The following DNMT3B variants were observed in gnomAD, a reference collection of about 807,000 sequenced individuals.
The protein encoded by DNMT3B is DNA (cytosine-5)-methyltransferase 3B.
A neutral mutation model predicts 120.2 loss-of-function variants in DNMT3B; 37 were observed. That is an observed-to-expected ratio of 0.31 (90% CI 0.24 to 0.40). The LOEUF (loss-of-function observed/expected upper bound fraction) is 0.40, where lower values mean the gene tolerates loss of function less well. Ranked by LOEUF, DNMT3B falls within the 10% of genes least tolerant of loss-of-function variation. DNMT3B has a pLI of 1.00. For missense variants in DNMT3B, 878 were observed against 1,137.3 expected, an observed-to-expected ratio of 0.77 and a Z score of 3.28; for synonymous variants, 412 against 442.8, an observed-to-expected ratio of 0.93 and a Z score of 0.87.
intron 12 of DNMT3B, 62 bp from the exon 13 acceptor site, chr20:32,796,727 AG>A: frequency 6.3e-7 from 1 of 1,581,714 alleles, no homozygotes; most frequent in Non-Finnish European, 8.7e-7. Flanking sequence ...GAGAGACCCC[AG>A]GCTTTAGCAG....
chr20:32,769,600 G>T (rs1325443466), intron 1 of DNMT3B, among the ~76,000 whole-genome samples: 1 of 152,104 alleles, frequency 6.6e-6, no homozygotes, highest in Non-Finnish European at 1.5e-5. Context: ...GTTTTTATGT[G>T]AGATCATGGG....
chr20:32,797,360 A>G, intron 14 of DNMT3B, 61 bp downstream of exon 14: 2 of 1,516,746 alleles, frequency 1.3e-6, no homozygotes, highest in Non-Finnish European at 1.8e-6. Flanking sequence ...ACGTTCCTGC[A>G]GTCTGCAGAC....
chr20:32,775,929 G>A (rs1413826326), intron 1 of DNMT3B, among the ~76,000 whole-genome samples: 1 of 152,234 alleles, frequency 6.6e-6, no homozygotes, highest in Non-Finnish European at 1.5e-5. Flanking sequence ...GCCCCAGGAT[G>A]GGGTGGGGGT....
At position 32,762,468 on chromosome 20, in the gene DNMT3B, C is replaced by T; in HGVS notation, c.-238C>T. 1 of 174,330 alleles carries T rather than the reference C, an allele frequency of 5.7e-6. No individual in the cohort carries two copies. Among genetic ancestry groups the T allele is most frequent in the Non-Finnish European group, 1.2e-5 (1 of 82,742 alleles). The allele number at this position is 174,330 out of a possible 1,614,324, so 10.8% of individuals were successfully genotyped here. The stretch of plus-strand genomic sequence containing the variant: ...TCCGCGGCCGCAGCCCGCGTGGACG[C>T]TCCGAGCGCCCCCCGACGGACGGGA... On this transcript the variant is annotated 5_prime_UTR_variant, in exon 1 of 23. Coordinates refer to ENST00000328111, the MANE Select transcript of DNMT3B (RefSeq NM_006892.4).
At chr20:32,797,381 T>A (rs1033887420) in intron 14 of DNMT3B, 82 bp downstream of exon 14, 1 of 1,358,438 alleles carries the variant, frequency 7.4e-7, no homozygotes, top group Non-Finnish European at 1.0e-6. Context: ...AGCTGTCTGT[T>A]GAATGGAATC....
chr20:32,779,554 A>T (rs1978338058), intron 1 of DNMT3B, among the ~76,000 whole-genome samples: 1 of 152,192 alleles, frequency 6.6e-6, no homozygotes, highest in Non-Finnish European at 1.5e-5. Context: ...CCTGACCAGG[A>T]GGGGCAGCAG....
chr20:32,805,527 G>C (rs1352900064), intron 21 of DNMT3B, 120 bp downstream of exon 21: 2 of 1,092,844 alleles, frequency 1.8e-6, no homozygotes, highest in Non-Finnish European at 2.8e-6. Context: ...TCCTGGTGTT[G>C]GGCTTCCCTC....
chr20:32,762,554 T>A lies in DNMT3B; in HGVS notation c.-152T>A. On this transcript the variant is annotated 5_prime_UTR_variant, in exon 1 of 23. Coordinates refer to ENST00000328111, the MANE Select transcript of DNMT3B (RefSeq NM_006892.4). The stretch of plus-strand genomic sequence containing the variant: ...GCTGCCCGGCCGGCAGCGCTGGGGT[T>A]AAGTGGCCCAAGTAAACCTAGCTCG... 2.8e-6 allele frequency: 1 copy of A among 354,416 alleles called. No homozygotes were observed. Among genetic ancestry groups the A allele is most frequent in the Non-Finnish European group, 5.8e-6 (1 of 172,912 alleles). 22.0% of individuals were successfully genotyped at this position (354,416 alleles called of 1,614,324 possible). A position where few individuals can be genotyped will look rare whatever the true frequency, so the allele number is the denominator to read the frequency against.
In DNMT3B at chr20:32,795,573, G is replaced by A. The variant is rs750757398; in HGVS notation, c.1252+39G>A. The stretch of plus-strand genomic sequence containing the variant: ...ACCTGGGATCATGGGACAGATGGGA[G>A]GAGGACGCTGCAGATCAGGAATTGA... On this transcript the variant is annotated intron_variant, in intron 11 of 22. Transcript: ENST00000328111. 30 of 1,614,034 alleles carry A rather than the reference G, an allele frequency of 1.9e-5. No homozygotes were observed. In the South Asian group the frequency reaches 3.3e-4, roughly 18 times the overall value.
chr20:32,788,825 G>C, intron 6 of DNMT3B, 29 bp from the exon 7 acceptor site: 1 of 1,614,124 alleles, frequency 6.2e-7, no homozygotes, highest in Non-Finnish European at 8.5e-7. Context: ...TCTCCTCACT[G>C]GGATTTCTTC....
At chr20:32,763,003 T>C (rs1057430472) in intron 1 of DNMT3B, among the ~76,000 whole-genome samples, 11 of 151,828 alleles carry the variant, frequency 7.2e-5, no homozygotes, top group Non-Finnish European at 1.5e-4. Flanking sequence ...GGAGAGAAGC[T>C]TGCTCGCAGG....
chr20:32,796,641 T>C (rs1317226632), intron 12 of DNMT3B, 149 bp from the exon 13 acceptor site: 9 of 811,690 alleles, frequency 1.1e-5, no homozygotes, highest in Admixed American at 2.0e-5. Context: ...TGTTGAGTGG[T>C]AGAAGCTGTG....
At chr20:32,774,416 A>G (rs1191840772) in intron 1 of DNMT3B, among the ~76,000 whole-genome samples, 1 of 149,530 alleles carries the variant, frequency 6.7e-6, no homozygotes, top group Non-Finnish European at 1.5e-5. Flanking sequence ...TCATCATGTT[A>G]GCCAGGATGG....
At chr20:32,782,565 G>A (rs1034280628) in intron 3 of DNMT3B, among the ~76,000 whole-genome samples, 2 of 152,172 alleles carry the variant, frequency 1.3e-5, no homozygotes, top group African/African-American at 4.8e-5. Flanking sequence ...CATAAACCAT[G>A]GAAGGACAGA....
At chr20:32,799,699 G>A (rs1016267030) in intron 16 of DNMT3B, among the ~76,000 whole-genome samples, 3 of 151,984 alleles carry the variant, frequency 2.0e-5, no homozygotes, top group Non-Finnish European at 2.9e-5. Flanking sequence ...TATATTTTTC[G>A]TAGAGACGGG....
At chr20:32,789,607 C>T (rs957207085) in intron 7 of DNMT3B, among the ~76,000 whole-genome samples, 11 of 152,158 alleles carry the variant, frequency 7.2e-5, no homozygotes, top group East Asian at 1.9e-4. Flanking sequence ...TTTTTGGGGG[C>T]GGTGAGAATG....
rs1979627617 is a variant in DNMT3B at position 32,788,771 on chromosome 20, C to A, written c.655-83C>A. The stretch of plus-strand genomic sequence containing the variant: ...GCATTTTATGGCAAGCTTTTTGTTG[C>A]CCTCAGGGACAGTGGAGTGGACAGG... On this transcript the variant is annotated intron_variant, in intron 6 of 22. Coordinates refer to ENST00000328111, the MANE Select transcript of DNMT3B (RefSeq NM_006892.4). 3.2e-6 allele frequency: 5 copies of A among 1,559,156 alleles called. No individual in the cohort carries two copies. The East Asian group carries it at 1.1e-4, about 35-fold the overall frequency.
rs943143475 is a variant in DNMT3B, at chr20:32,763,923, G to T, written c.-7+1224G>T. Among the ~76,000 whole-genome samples the T allele has an allele frequency of 2.6e-5, 4 of 152,318 alleles. No homozygotes were observed. The East Asian group carries it at 7.7e-4, about 29-fold the overall frequency. ...GGATGCGGTGGGTTGTGGCAGACGG[G>T]TGGCAGTTTTTGGGAAACAGCTGTT... On this transcript the variant is annotated intron_variant, in intron 1 of 22. Transcript: ENST00000328111.
rs1980700906 is a variant in DNMT3B at position 32,796,966 on chromosome 20, C to G, written c.1377+97C>G. 3 of 1,613,734 alleles carry G rather than the reference C, an allele frequency of 1.9e-6. No individual in the cohort carries two copies. In the African/African-American group the frequency reaches 4.0e-5, roughly 22 times the overall value. On this transcript the variant is annotated intron_variant, in intron 13 of 22. Transcript: ENST00000328111. Reference sequence around the variant, plus strand: ...CACCTGTGTGGAGACTCAGTGAAGCCCACTCATCCCAGCTGCCTTGCACTC... The same window carrying G: ...CACCTGTGTGGAGACTCAGTGAAGCGCACTCATCCCAGCTGCCTTGCACTC...
Sources: allele counts gnomAD v4.1 joint callset (sites outside exome capture counted in the v4.1 genomes callset), GRCh38; gene constraint gnomAD v4.1.1; transcripts MANE v1.5; gene names NCBI Gene and HGNC (gene_info 2026-07-23, HGNC 2026-07-21).